The following SDK1 variants were observed in gnomAD, a reference collection of about 807,000 sequenced individuals.
The protein encoded by SDK1 is sidekick cell adhesion molecule 1.
A neutral mutation model predicts 245.5 loss-of-function variants in SDK1; 157 were observed. The observed-to-expected ratio is 0.64, with a 90% confidence interval of 0.56 to 0.73. The LOEUF is 0.73. SDK1 is among the 30% of genes least tolerant of loss of function. SDK1 has a pLI of 0.00. For synonymous variants in SDK1, 1,647 were observed against 1,278.5 expected (o/e 1.29, Z -6.15); for missense variants, 3,583 against 3,002.3 (o/e 1.19, Z -4.52).
intron 11 of SDK1, among the ~76,000 whole-genome samples, chr7:3,970,422 C>G (rs1010346720): frequency 1.3e-5 from 2 of 152,126 alleles, no homozygotes; most frequent in Non-Finnish European, 2.9e-5. Context: ...AGCTTTTGTT[C>G]CATTTGGTGG....
At chr7:4,116,014 T>C (rs776968086) in intron 25 of SDK1, among the ~76,000 whole-genome samples, 1 of 152,014 alleles carries the variant, frequency 6.6e-6, no homozygotes, top group Non-Finnish European at 1.5e-5. Context: ...TGGAGGTGGC[T>C]TTGGGGGGCT....
At position 3,732,325 on chromosome 7, in the gene SDK1, C is replaced by G. The variant is rs116755430; in HGVS notation, c.714-89125C>G. The stretch of plus-strand genomic sequence containing the variant: ...GCATGTGTAAATAAGAAGAATATAT[C>G]TTTGTCAAAAAACAGCCACCATGTT... On this transcript the variant is annotated intron_variant, in intron 4 of 44. Coordinates refer to ENST00000404826, the MANE Select transcript of SDK1 (RefSeq NM_152744.4). 2.4e-3 allele frequency among the ~76,000 whole-genome samples: 361 copies of G among 152,230 alleles called. 3 individuals carry two copies. Among genetic ancestry groups the G allele is most frequent in the African/African-American group, 8.4e-3 (349 of 41,564 alleles).
chr7:3,369,782 AAACT>A (rs758510239), intron 1 of SDK1, among the ~76,000 whole-genome samples: 1 of 152,232 alleles, frequency 6.6e-6, no homozygotes, highest in Non-Finnish European at 1.5e-5. Context: ...TAGTAATGAA[AAACT>A]AACCCATGAA....
At chr7:4,100,590 A>G (rs747741938) in intron 22 of SDK1, among the ~76,000 whole-genome samples, 21 of 152,070 alleles carry the variant, frequency 1.4e-4, no homozygotes, top group Non-Finnish European at 2.8e-4. Flanking sequence ...TCCTTCCACC[A>G]CGTGAGGACA....
At chr7:4,001,496 A>C (rs1262186106) in intron 14 of SDK1, among the ~76,000 whole-genome samples, 1 of 152,178 alleles carries the variant, frequency 6.6e-6, no homozygotes, top group African/African-American at 2.4e-5. Context: ...CCCTGGATGT[A>C]AGCAGTCTAC....
At chr7:4,247,415 C>G (rs1786953046) in intron 44 of SDK1, among the ~76,000 whole-genome samples, 1 of 152,210 alleles carries the variant, frequency 6.6e-6, no homozygotes, top group Non-Finnish European at 1.5e-5. Context: ...GGACATTTGT[C>G]TAAAACTCAG....
chr7:3,609,275 A>G (rs928267386), intron 1 of SDK1, among the ~76,000 whole-genome samples: 2 of 152,182 alleles, frequency 1.3e-5, no homozygotes, highest in Non-Finnish European at 2.9e-5. Context: ...GAGACCAAAA[A>G]CTTTGAGAAC....
At chr7:3,400,420 C>T (rs1232055933) in intron 1 of SDK1, among the ~76,000 whole-genome samples, 1 of 152,092 alleles carries the variant, frequency 6.6e-6, no homozygotes, top group African/African-American at 2.4e-5. Flanking sequence ...AGAGTGCCCC[C>T]AACTTCGAAT....
intron 4 of SDK1, among the ~76,000 whole-genome samples, chr7:3,818,954 A>G (rs1247056249): frequency 5.9e-5 from 9 of 152,192 alleles, no homozygotes. Flanking sequence ...TGCCACGACA[A>G]AATCAGGGCC....
At chr7:3,684,320 A>G (rs536796538) in intron 4 of SDK1, among the ~76,000 whole-genome samples, 5 of 152,198 alleles carry the variant, frequency 3.3e-5, no homozygotes, top group Non-Finnish European at 7.3e-5. Context: ...AGCTGCAGCT[A>G]CAAAGCAATG....
chr7:3,994,492 A>C (rs1275113829), intron 14 of SDK1, among the ~76,000 whole-genome samples: 5 of 152,030 alleles, frequency 3.3e-5, no homozygotes, highest in Non-Finnish European at 7.4e-5. Flanking sequence ...AAATTAAAAA[A>C]TTAGCCAGGT....
intron 22 of SDK1, among the ~76,000 whole-genome samples, chr7:4,105,532 CTT>C (rs758437803): frequency 6.6e-6 from 1 of 150,562 alleles, no homozygotes; most frequent in Non-Finnish European, 1.5e-5. Flanking sequence ...GTCTTGATCT[CTT>C]GACCTCGTGA....
intron 1 of SDK1, among the ~76,000 whole-genome samples, chr7:3,326,472 G>A (rs1222639108): frequency 6.6e-6 from 1 of 152,066 alleles, no homozygotes; most frequent in Admixed American, 6.6e-5. Flanking sequence ...TATAAACTAT[G>A]CTATGATGAA....
Position 3,549,971 on chromosome 7 carries a change from C to G in SDK1, c.299-69109C>G, listed in dbSNP as rs192708676. Among the ~76,000 whole-genome samples, 339 of 152,106 alleles carry G rather than the reference C, an allele frequency of 2.2e-3. 1 individual carries two copies. The highest frequency in any genetic ancestry group is 0.01 in the Middle Eastern group (3 of 294). On this transcript the variant is annotated intron_variant, in intron 1 of 44. Coordinates refer to ENST00000404826, the MANE Select transcript of SDK1 (RefSeq NM_152744.4). ...AGCTTTATTTAGGGTCTCCTTTAACCTACATCTTAAAAATATATTTTAAGT... is the reference window on the plus strand; with the variant it reads ...AGCTTTATTTAGGGTCTCCTTTAACGTACATCTTAAAAATATATTTTAAGT...
At chr7:3,477,281 C>T (rs1209827712) in intron 1 of SDK1, among the ~76,000 whole-genome samples, 1 of 144,570 alleles carries the variant, frequency 6.9e-6, no homozygotes, top group African/African-American at 2.6e-5. Context: ...GTGCAGTCTC[C>T]ATCTCCTGGC....
chr7:3,821,424 C>T, intron 4 of SDK1, 26 bp from the exon 5 acceptor site: 2 of 1,605,632 alleles, frequency 1.2e-6, no homozygotes, highest in Non-Finnish European at 1.7e-6. Flanking sequence ...GTAGCTTTGA[C>T]ACTGTCCTCT....
At chr7:3,342,904 G>A (rs1053043191) in intron 1 of SDK1, among the ~76,000 whole-genome samples, 2 of 151,668 alleles carry the variant, frequency 1.3e-5, no homozygotes, top group African/African-American at 4.8e-5. Flanking sequence ...GGATATTTAA[G>A]TGGCAAATAA....
Position 4,241,877 on chromosome 7 carries a change from A to G in SDK1, c.6215A>G (p.Asn2072Ser), listed in dbSNP as rs1258138277. The change falls in exon 43 of 45, where the codon AAT (asparagine) becomes AGT (serine). Residue 2072 changes from asparagine (N) to serine (S), a missense_variant. Physicochemically the swap from Asn to Ser is conservative, Grantham distance 46 (BLOSUM62 1). Transcript: ENST00000404826. ...AALELSSRHL[N>S]VKSTFSKKNG... The stretch of plus-strand genomic sequence containing the variant: ...CTGGAGCTCAGCAGCCGCCACCTCA[A>G]TGTCAAGAGCACCTTCTCCAAGAAG... 4 of 1,614,038 alleles carry G rather than the reference A, an allele frequency of 2.5e-6. No homozygotes were observed. Among genetic ancestry groups the G allele is most frequent in the Non-Finnish European group, 2.5e-6 (3 of 1,180,036 alleles).
chr7:3,583,925 A>T (rs568738605), intron 1 of SDK1, among the ~76,000 whole-genome samples: 1 of 152,250 alleles, frequency 6.6e-6, no homozygotes, highest in South Asian at 2.1e-4. Context: ...GCTTGGAGTG[A>T]AGGTCCCGTA....
Sources: allele counts gnomAD v4.1 joint callset (sites outside exome capture counted in the v4.1 genomes callset), GRCh38; gene constraint gnomAD v4.1.1; transcripts MANE v1.5; gene names NCBI Gene and HGNC (gene_info 2026-07-23, HGNC 2026-07-21).